The following FBN2 variants were observed in gnomAD, a reference collection of about 807,000 sequenced individuals.
FBN2 encodes the protein fibrillin-2.
Under a neutral mutation model 355.6 loss-of-function variants are expected in FBN2, and 105 were observed. That is an observed-to-expected ratio of 0.30 (90% CI 0.25 to 0.35). The LOEUF (loss-of-function observed/expected upper bound fraction) is 0.35. Ranked by LOEUF, FBN2 falls within the 10% of genes least tolerant of loss-of-function variation. FBN2 has a pLI of 1.00. For synonymous variants in FBN2, 1,350 were observed against 1,301.2 expected (o/e 1.04, Z -0.81); for missense variants, 3,280 against 3,758.7 (o/e 0.87, Z 3.33).
chr5:128,380,054 T>C (rs1324977702), intron 11 of FBN2, among the ~76,000 whole-genome samples: 1 of 152,040 alleles, frequency 6.6e-6, no homozygotes, highest in African/African-American at 2.4e-5. Flanking sequence ...ATAAACTTCA[T>C]AGCAAATAAA....
At chr5:128,507,698 T>C (rs1331744078) in intron 5 of FBN2, among the ~76,000 whole-genome samples, 1 of 152,058 alleles carries the variant, frequency 6.6e-6, no homozygotes, top group Admixed American at 6.5e-5. Context: ...ATCCATTTAA[T>C]ATGATCTTTC....
At chr5:128,303,152 G>A (rs1279502802) in intron 45 of FBN2, 63 bp from the exon 46 acceptor site, 10 of 899,822 alleles carry the variant, frequency 1.1e-5, no homozygotes, top group South Asian at 5.2e-5. Flanking sequence ...GCTATTAACC[G>A]TTTTATATGT....
chr5:128,379,581 A>C (rs553653466), intron 11 of FBN2, among the ~76,000 whole-genome samples: 7 of 152,136 alleles, frequency 4.6e-5, no homozygotes, highest in African/African-American at 7.2e-5. Context: ...TCGTGACCAA[A>C]AAGTGAGAAA....
At chr5:128,337,106 A>C (rs2126900366) in intron 27 of FBN2, among the ~76,000 whole-genome samples, 1 of 152,330 alleles carries the variant, frequency 6.6e-6, no homozygotes, top group East Asian at 1.9e-4. Context: ...ACCATGAATA[A>C]ATATTCTGCA....
At chr5:128,514,216 T>C (rs184468051) in intron 5 of FBN2, among the ~76,000 whole-genome samples, 383 of 152,312 alleles carry the variant, frequency 2.5e-3, no homozygotes, top group Non-Finnish European at 4.6e-3. Flanking sequence ...ATTATGGAGT[T>C]TAAATAACAT....
intron 7 of FBN2, among the ~76,000 whole-genome samples, chr5:128,438,270 T>C (rs1275621008): frequency 6.6e-6 from 1 of 152,356 alleles, no homozygotes; most frequent in African/African-American, 2.4e-5. Context: ...TGGGATTACA[T>C]GTGTGTGCCG....
chr5:128,284,419 TC>T (rs1486713602), intron 55 of FBN2, among the ~76,000 whole-genome samples: 1 of 152,116 alleles, frequency 6.6e-6, no homozygotes, highest in Non-Finnish European at 1.5e-5. Flanking sequence ...AAAACCAAAT[TC>T]TTTTCCATGG....
intron 34 of FBN2, among the ~76,000 whole-genome samples, chr5:128,321,470 G>T (rs972742584): frequency 5.9e-5 from 9 of 152,066 alleles, no homozygotes; most frequent in African/African-American, 1.9e-4. Flanking sequence ...ACAGGCCCCA[G>T]TGTGTGATGT....
chr5:128,283,095 A>G (rs544672302), intron 55 of FBN2, among the ~76,000 whole-genome samples: 2 of 152,308 alleles, frequency 1.3e-5, no homozygotes, highest in East Asian at 3.9e-4. Flanking sequence ...TCCAACAGCT[A>G]AACTATCTTT....
chr5:128,440,859 C>T (rs957001402), intron 7 of FBN2, among the ~76,000 whole-genome samples: 2 of 152,176 alleles, frequency 1.3e-5, no homozygotes, highest in Non-Finnish European at 2.9e-5. Flanking sequence ...TAGAATACTT[C>T]GGAGAGAAAC....
chr5:128,396,547 A>G (rs2126983417), intron 8 of FBN2, among the ~76,000 whole-genome samples: 1 of 152,378 alleles, frequency 6.6e-6, no homozygotes, highest in East Asian at 1.9e-4. Flanking sequence ...AAGTGACATG[A>G]TCAAATATGA....
In FBN2 at chr5:128,458,804, A is replaced by G. The variant is rs565276756; in HGVS notation, c.826+5920T>C. The stretch of plus-strand genomic sequence containing the variant: ...TCTGGGACACAGCTAAAGCAGTGTT[A>G]AGAAGGAAATTTATAGCACTAAATG... On this transcript the variant is annotated intron_variant, in intron 6 of 64. Coordinates refer to ENST00000262464, the MANE Select transcript of FBN2 (RefSeq NM_001999.4). Among the ~76,000 whole-genome samples, 8 of 152,208 alleles carry G rather than the reference A, an allele frequency of 5.3e-5. No homozygotes were observed. The East Asian group carries it at 1.5e-3, about 29-fold the overall frequency.
At chr5:128,312,924 A>C (rs1750097923) in intron 36 of FBN2, 129 bp from the exon 37 acceptor site, 1 of 1,024,128 alleles carries the variant, frequency 9.8e-7, no homozygotes, top group African/African-American at 1.6e-5. Flanking sequence ...TTTAATCCTT[A>C]AGTACCAAGC....
chr5:128,334,536 C>T (rs1202195930), intron 31 of FBN2, among the ~76,000 whole-genome samples, 183 bp downstream of exon 31: 1 of 152,126 alleles, frequency 6.6e-6, no homozygotes, highest in Non-Finnish European at 1.5e-5. Context: ...GCTCAGACAG[C>T]GTGCTACCAC....
In FBN2 at chr5:128,291,713, A is replaced by G. The variant is rs566514817; in HGVS notation, c.6167-59T>C. On this transcript the variant is annotated intron_variant, in intron 48 of 64. Transcript: ENST00000262464. ...AACACTTGAAAATAAACAATTGTCCATACTATCACTGTCCACTAGCCAGCT... is the reference window on the plus strand; with the variant it reads ...AACACTTGAAAATAAACAATTGTCCGTACTATCACTGTCCACTAGCCAGCT... The G allele has an allele frequency of 1.9e-4, 289 of 1,487,410 alleles. 2 individuals carry two copies. The South Asian group carries it at 2.9e-3, about 15-fold the overall frequency. 92.1% of individuals were successfully genotyped at this position (1,487,410 alleles called of 1,614,324 possible).
intron 11 of FBN2, among the ~76,000 whole-genome samples, chr5:128,388,411 T>C (rs1173274319): frequency 1.3e-5 from 2 of 152,208 alleles, no homozygotes; most frequent in Non-Finnish European, 2.9e-5. Context: ...ACAGATTTAA[T>C]TGTGTAGTTG....
chr5:128,472,996 C>T (rs1395912408), intron 5 of FBN2, among the ~76,000 whole-genome samples: 9 of 152,098 alleles, frequency 5.9e-5, no homozygotes, highest in African/African-American at 1.4e-4. Flanking sequence ...GAAATATTCA[C>T]GTGCGACATT....
intron 62 of FBN2, 33 bp downstream of exon 62, chr5:128,271,966 A>C: frequency 7.4e-6 from 12 of 1,613,070 alleles, no homozygotes; most frequent in Non-Finnish European, 1.0e-5. Context: ...TCAGGTGAGA[A>C]AAGCAAGTGC....
chr5:128,383,799 T>C (rs1561429484), intron 11 of FBN2, among the ~76,000 whole-genome samples: 1 of 152,072 alleles, frequency 6.6e-6, no homozygotes, highest in Non-Finnish European at 1.5e-5. Context: ...TGTAAAAACC[T>C]GACTATACGA....
Sources: gnomAD v4.1 joint callset for allele counts (sites outside exome capture counted in the v4.1 genomes callset) on GRCh38, gnomAD v4.1.1 for gene constraint, MANE v1.5 for transcripts, NCBI Gene and HGNC (gene_info 2026-07-23, HGNC 2026-07-21) for gene names.